The following PTPN6 variants were observed in gnomAD, a reference collection of about 807,000 sequenced individuals.
The protein encoded by PTPN6 is tyrosine-protein phosphatase non-receptor type 6.
Under a neutral mutation model 81.5 loss-of-function variants are expected in PTPN6, and 18 were observed. The observed-to-expected ratio is 0.22, with a 90% CI of 0.15 to 0.33. The LOEUF (loss-of-function observed/expected upper bound fraction) is 0.33. PTPN6 is among the 10% of genes least tolerant of loss of function. The pLI is 1.00. For synonymous variants in PTPN6, 301 were observed against 310.9 expected, an observed-to-expected ratio of 0.97 and a Z score of 0.33; for missense variants, 500 against 794.2, an observed-to-expected ratio of 0.63 and a Z score of 4.45.
upstream of PTPN6, among the ~76,000 whole-genome samples, chr12:6,947,668 CAAAAAAAAA>C (rs112544780): frequency 6.2e-5 from 4 of 64,792 alleles, no homozygotes; most frequent in African/African-American, 1.7e-4. Context: ...GACCTTGTCT[CAAAAAAAAA>C]AAAAAAAAAA....
chr12:6,946,741 T>C, upstream of PTPN6: 1 of 1,611,982 alleles, frequency 6.2e-7, no homozygotes, highest in South Asian at 1.1e-5. Context: ...GTCCCGTGGG[T>C]AAGTCCCGGG....
rs1946027889 is a variant in PTPN6 at position 6,956,230 on chromosome 12, T to C, written c.924+9T>C. The C allele has an allele frequency of 1.1e-5, 17 of 1,613,878 alleles. No homozygotes were observed. Among genetic ancestry groups the C allele is most frequent in the Non-Finnish European group, 1.3e-5 (15 of 1,179,814 alleles). On this transcript the variant is annotated intron_variant, in intron 8 of 15. Coordinates refer to ENST00000318974, the MANE Select transcript of PTPN6 (RefSeq NM_002831.6). This position sits in a 1 kb window ranked among gnomAD's most constrained non-coding sequence, Gnocchi z 4.1. The stretch of plus-strand genomic sequence containing the variant: ...ATGCCAACTACATCAAGGTCAGCAG[T>C]GTGGGCCACGTGGGAGGAGAGGCTG...
rs1591683399 is a variant in PTPN6, at chr12:6,951,473, C to T, written c.-40C>T. 2 of 1,613,482 alleles carry T rather than the reference C, an allele frequency of 1.2e-6. No homozygotes were observed. Among genetic ancestry groups the T allele is most frequent in the Non-Finnish European group, 8.5e-7 (1 of 1,179,750 alleles). On this transcript the variant is annotated 5_prime_UTR_variant, in exon 1 of 16. Coordinates refer to ENST00000318974, the MANE Select transcript of PTPN6 (RefSeq NM_002831.6). The surrounding 1 kb of genome is among the most constrained non-coding windows in gnomAD (Gnocchi z 7.2). Reference sequence around the variant, plus strand: ...TGCCTGCCCAGACTAGCTGCACCTCCTCATTCCCTGCGCCCCCTTCCTCTC... The same window carrying T: ...TGCCTGCCCAGACTAGCTGCACCTCTTCATTCCCTGCGCCCCCTTCCTCTC...
rs1281349374 is a variant in PTPN6, at chr12:6,955,847, G to A, written c.844+91G>A. 1.8e-5 allele frequency: 23 copies of A among 1,250,068 alleles called. No homozygotes were observed. The highest frequency in any genetic ancestry group is 1.6e-4 in the Admixed American group (9 of 54,854). The allele number at this position is 1,250,068 out of a possible 1,614,324, so 77.4% of individuals were successfully genotyped here. A position where few individuals can be genotyped will look rare whatever the true frequency, so the allele number is the denominator to read the frequency against. ...CACAGGTCTCCACCCTCCACGCCAG[G>A]AGGGGCCATCTCCCCACACCCCCCA... On this transcript the variant is annotated intron_variant, in intron 7 of 15. Transcript: ENST00000318974. The surrounding 1 kb of genome is among the most constrained non-coding windows in gnomAD (Gnocchi z 7.2).
Position 6,961,000 on chromosome 12 carries a change from A to G in PTPN6, c.*25+55A>G. ...TGCCCTGCCCTGTGTCCTTGGCTCC[A>G]CTGCCTTCCCTGGGTGGATGGGGTG... On this transcript the variant is annotated intron_variant, in intron 15 of 15. Transcript: ENST00000318974. The surrounding 1 kb of genome is among the most constrained non-coding windows in gnomAD (Gnocchi z 6.1). 6.5e-7 allele frequency: 1 copy of G among 1,547,748 alleles called. No homozygotes were observed. Among genetic ancestry groups the G allele is most frequent in the East Asian group, 2.4e-5 (1 of 40,882 alleles).
In PTPN6 at chr12:6,955,247, G is replaced by T. The variant is rs375296528; in HGVS notation, c.613G>T (p.Ala205Ser). 1 of 1,614,198 alleles carries T rather than the reference G, an allele frequency of 6.2e-7. No individual in the cohort carries two copies. Among genetic ancestry groups the T allele is most frequent in the South Asian group, 1.1e-5 (1 of 91,090 alleles). Reference protein sequence around the residue: ...KKTGIEEASGAFVYLRQPYYA... With the variant: ...KKTGIEEASGSFVYLRQPYYA... ...GACGGGGATTGAGGAGGCCTCAGGCGCCTTTGTCTACCTGCGGCAGGTCAG... is the reference window on the plus strand; with the variant it reads ...GACGGGGATTGAGGAGGCCTCAGGCTCCTTTGTCTACCTGCGGCAGGTCAG... Residue 205 changes from alanine to serine, a missense_variant, in exon 5 of 16, where the codon GCC becomes TCC. Physicochemically the swap from Ala to Ser is moderately conservative, Grantham distance 99. Coordinates refer to ENST00000318974, the MANE Select transcript of PTPN6 (RefSeq NM_002831.6). The surrounding 1 kb of genome is among the most constrained non-coding windows in gnomAD (Gnocchi z 7.2).
At position 6,959,502 on chromosome 12, in the gene PTPN6, G is replaced by A. The variant is rs1946090388; in HGVS notation, c.1362-425G>A. On this transcript the variant is annotated intron_variant, in intron 11 of 15. Transcript: ENST00000318974. The surrounding 1 kb of genome is among the most constrained non-coding windows in gnomAD (Gnocchi z 6.6). Reference sequence around the variant, plus strand: ...AGGGCTATCCTTTCCCTGACGTCAGGGTTTGAAGGAAAAGGGAAGTGAAGC... The same window carrying A: ...AGGGCTATCCTTTCCCTGACGTCAGAGTTTGAAGGAAAAGGGAAGTGAAGC... The A allele has an allele frequency of 3.2e-6, 1 of 308,374 alleles. No homozygotes were observed. The highest frequency in any genetic ancestry group is 3.1e-5 in the South Asian group (1 of 31,770). The allele number at this position is 308,374 out of a possible 1,614,324, so 19.1% of individuals were successfully genotyped here. A position where few individuals can be genotyped will look rare whatever the true frequency, so the allele number is the denominator to read the frequency against.
At position 6,957,014 on chromosome 12, in the gene PTPN6, C is replaced by T. The variant is rs1391975474; in HGVS notation, c.1074+446C>T. Among the ~76,000 whole-genome samples the T allele has an allele frequency of 6.6e-6, 1 of 152,174 alleles. No individual in the cohort carries two copies. The highest frequency in any genetic ancestry group is 6.5e-5 in the Admixed American group (1 of 15,272). ...CTCCTGGTCACCTTTGGGATAAAGTCGCACTCTAAGGCCTGGCATTCAAGG... is the reference window on the plus strand; with the variant it reads ...CTCCTGGTCACCTTTGGGATAAAGTTGCACTCTAAGGCCTGGCATTCAAGG... On this transcript the variant is annotated intron_variant, in intron 9 of 15. Coordinates refer to ENST00000318974, the MANE Select transcript of PTPN6 (RefSeq NM_002831.6). The surrounding 1 kb of genome is among the most constrained non-coding windows in gnomAD (Gnocchi z 6.5).
At position 6,951,533 on chromosome 12, in the gene PTPN6, C is replaced by T. The variant is rs781939887; in HGVS notation, c.8+13C>T. The T allele has an allele frequency of 1.9e-6, 3 of 1,614,020 alleles. No individual in the cohort carries two copies. Among genetic ancestry groups the T allele is most frequent in the Admixed American group, 3.3e-5 (2 of 60,018 alleles). On this transcript the variant is annotated intron_variant, in intron 1 of 15. Transcript: ENST00000318974. The surrounding 1 kb of genome is among the most constrained non-coding windows in gnomAD (Gnocchi z 7.2). ...CCAGGATGGTGAGGTAAGGGCCTGCCACCCACGGTAGACAGGAGGCAAGGG... is the reference window on the plus strand; with the variant it reads ...CCAGGATGGTGAGGTAAGGGCCTGCTACCCACGGTAGACAGGAGGCAAGGG...
chr12:6,960,941 C>T lies in PTPN6; in HGVS notation c.*21C>T. The T allele has an allele frequency of 2.6e-6, 4 of 1,556,860 alleles. No homozygotes were observed. In the South Asian group the frequency reaches 4.7e-5, roughly 18 times the overall value. On this transcript the variant is annotated 3_prime_UTR_variant, in exon 15 of 16. Transcript: ENST00000318974. This position sits in a 1 kb window ranked among gnomAD's most constrained non-coding sequence, Gnocchi z 6.1. ...AGTGAGCGGTGCTGTCCTCAGGTGG[C>T]CATGGTACAGCTCTTCTGCCTGGGT...
upstream of PTPN6, chr12:6,946,883 C>T: frequency 2.2e-6 from 2 of 917,834 alleles, no homozygotes; most frequent in Non-Finnish European, 3.5e-6. Flanking sequence ...ATGAACTTCC[C>T]CTTCCCGCAA....
At chr12:6,948,906 C>G (rs186165173), upstream of PTPN6, among the ~76,000 whole-genome samples, 556 of 150,078 alleles carry the variant, frequency 3.7e-3, 3 homozygotes, top group Non-Finnish European at 6.6e-3. Context: ...GATTGCGTCA[C>G]TGCACTCCAG....
In PTPN6 at chr12:6,955,553, A is replaced by T. The variant is rs782721100; in HGVS notation, c.747+68A>T. 1.9e-6 allele frequency: 3 copies of T among 1,562,280 alleles called. No individual in the cohort carries two copies. Among genetic ancestry groups the T allele is most frequent in the South Asian group, 1.1e-5 (1 of 90,024 alleles). ...GGCAGCGGCCTGGGGCCCCAGGCGG[A>T]CACCTTCCCCTCCTTGCCCACCTCT... is the stretch of plus-strand genomic sequence containing the variant. On this transcript the variant is annotated intron_variant, in intron 6 of 15. Coordinates refer to ENST00000318974, the MANE Select transcript of PTPN6 (RefSeq NM_002831.6). This position sits in a 1 kb window ranked among gnomAD's most constrained non-coding sequence, Gnocchi z 7.2.
chr12:6,946,716 C>G, upstream of PTPN6: 4 of 1,612,092 alleles, frequency 2.5e-6, no homozygotes, highest in Middle Eastern at 1.6e-4. Context: ...TTCCCCCTCC[C>G]TACAGAGAGA....
At position 6,952,115 on chromosome 12, in the gene PTPN6, C is replaced by T; in HGVS notation, c.264C>T (p.Asp88=). The stretch of plus-strand genomic sequence containing the variant: ...CTCAGCAGCAGGGTGTCCTGCAGGA[C>T]CGCGACGGCACCATCATCCACCTCA... ...YYTQQQGVLQ[D]RDGTIIHLKY... Residue 88 remains aspartate, a synonymous_variant, in exon 3 of 16, where the codon GAC becomes GAT. Coordinates refer to ENST00000318974, the MANE Select transcript of PTPN6 (RefSeq NM_002831.6). This position sits in a 1 kb window ranked among gnomAD's most constrained non-coding sequence, Gnocchi z 8.1. 6.2e-7 allele frequency: 1 copy of T among 1,614,152 alleles called. No individual in the cohort carries two copies. The highest frequency in any genetic ancestry group is 8.5e-7 in the Non-Finnish European group (1 of 1,180,036).
chr12:6,948,628 C>T (rs1402629923), upstream of PTPN6, among the ~76,000 whole-genome samples: 7 of 151,776 alleles, frequency 4.6e-5, no homozygotes, highest in East Asian at 1.9e-4. Flanking sequence ...AAGTGACAAC[C>T]GGTCGAAAGA....
At chr12:6,951,225 T>C, upstream of PTPN6, 3 of 1,420,148 alleles carry the variant, frequency 2.1e-6, no homozygotes, top group Non-Finnish European at 2.8e-6. This position sits in a 1 kb window ranked among gnomAD's most constrained non-coding sequence, Gnocchi z 7.2. Flanking sequence ...GTGGGCCCCG[T>C]CCCCACCCCC....
chr12:6,956,200 C>T lies in PTPN6; in HGVS notation c.903C>T (p.Tyr301=), dbSNP rs1946027464. The T allele has an allele frequency of 1.2e-6, 2 of 1,614,086 alleles. No individual in the cohort carries two copies. Among genetic ancestry groups the T allele is most frequent in the Non-Finnish European group, 1.7e-6 (2 of 1,180,034 alleles). Residue 301 remains tyrosine (Y), a synonymous_variant, in exon 8 of 16, where the codon TAC becomes TAT. Transcript: ENST00000318974. The surrounding 1 kb of genome is among the most constrained non-coding windows in gnomAD (Gnocchi z 4.1). ...GRDSNIPGSD[Y]INANYIKNQL... ...ACAGTAACATCCCCGGGTCCGACTA[C>T]ATCAATGCCAACTACATCAAGGTCA...
chr12:6,953,531 C>T (rs891066753), intron 3 of PTPN6: 2 of 152,244 alleles, frequency 1.3e-5, no homozygotes, highest in Admixed American at 1.3e-4. Context: ...TTGGGTGACC[C>T]GTCCCAGGAG....
Sources: gnomAD v4.1 joint callset for allele counts (sites outside exome capture counted in the v4.1 genomes callset) on GRCh38, gnomAD v4.1.1 for gene constraint, Gnocchi (gnomAD v3.1) non-coding constraint, MANE v1.5 for transcripts, NCBI Gene and HGNC (gene_info 2026-07-23, HGNC 2026-07-21) for gene names.